The following ARHGAP4 variants were observed in gnomAD, a reference collection of about 807,000 sequenced individuals.
ARHGAP4 encodes the protein Rho GTPase activating protein 4.
ARHGAP4 carries 25 observed loss-of-function variants against 67.6 expected under a neutral mutation model. The ratio of observed to expected loss-of-function variants is 0.37; its 90% CI spans 0.27 to 0.52. The LOEUF is 0.52. Among genes scored for constraint, ARHGAP4 ranks in the 20% least tolerant of loss-of-function variants. The pLI is 0.92. For missense variants in ARHGAP4, 804 were observed against 854.6 expected, an observed-to-expected ratio of 0.94 and a Z score of 0.74; for synonymous variants, 448 against 373.7, an observed-to-expected ratio of 1.20 and a Z score of -2.29.
chrX:153,913,739 G>A (rs1451002056), intron 8 of ARHGAP4, 39 bp downstream of exon 8: 2 of 1,192,422 alleles, frequency 1.7e-6, no homozygotes, highest in African/African-American at 3.5e-5. Flanking sequence ...CAGGCTCCAG[G>A]CCCTCGTCTC....
At chrX:153,908,312 T>A (rs1244194811) in intron 21 of ARHGAP4, among the ~76,000 whole-genome samples, 1 of 112,091 alleles carries the variant, frequency 8.9e-6, no homozygotes, top group Admixed American at 9.4e-5. Context: ...CCATGGCGTC[T>A]CCTGGCTGCC....
At chrX:153,914,653 A>C (rs2065043219) in intron 7 of ARHGAP4, among the ~76,000 whole-genome samples, 1 of 112,200 alleles carries the variant, frequency 8.9e-6, no homozygotes, top group South Asian at 3.7e-4. Flanking sequence ...GCCAAGATGG[A>C]GCCATTGCAC....
intron 1 of ARHGAP4, chrX:153,922,341 G>A (rs1046186345): frequency 2.9e-5 from 22 of 758,626 alleles, no homozygotes; most frequent in Non-Finnish European, 3.1e-5. Flanking sequence ...AGGCCCCAGG[G>A]GAAAGGACAG....
chrX:153,913,965 C>G, intron 7 of ARHGAP4, 86 bp from the exon 8 acceptor site: 1 of 875,752 alleles, frequency 1.1e-6, no homozygotes, highest in Non-Finnish European at 1.6e-6. Flanking sequence ...AGCAAGCACC[C>G]TTTTGTGGCC....
Position 153,907,942 on chromosome X carries a change from G to A in ARHGAP4, c.2628C>T (p.Asp876=). 1.8e-6 allele frequency: 2 copies of A among 1,121,331 alleles called. No individual in the cohort carries two copies. The allele number at this position is 1,121,331 out of a possible 1,213,427, so 92.4% of individuals were successfully genotyped here. ...EVDKAVAQNM[D]SVFKELLGKT... ...TTCCCAAGAGCTCCTTAAACACAGA[G>A]TCCATGTTCTGTGCCACAGCCTAGC... The change falls in exon 22 of 22, where the codon GAC becomes GAT. Residue 876 remains aspartate, a synonymous_variant. Coordinates refer to ENST00000350060, the MANE Select transcript of ARHGAP4 (RefSeq NM_001666.5).
rs369990769 is a variant in ARHGAP4 at position 153,912,986 on chromosome X, G to A, written c.1439+38C>T. The A allele has an allele frequency of 2.1e-4, 231 of 1,126,541 alleles. 2 individuals carry two copies. In the East Asian group the frequency reaches 6.6e-3, roughly 32 times the overall value. The allele number at this position is 1,126,541 out of a possible 1,213,427, so 92.8% of individuals were successfully genotyped here. A position where few individuals can be genotyped will look rare whatever the true frequency, so the allele number is the denominator to read the frequency against. On this transcript the variant is annotated intron_variant, in intron 11 of 21. Transcript: ENST00000350060. ...GGGCCCCAGGAAGAGAAGAGATGGCGGACCGTCGCAGGGCCCCAGCCCTCA... is the reference window on the plus strand; with the variant it reads ...GGGCCCCAGGAAGAGAAGAGATGGCAGACCGTCGCAGGGCCCCAGCCCTCA...
intron 1 of ARHGAP4, among the ~76,000 whole-genome samples, chrX:153,925,579 C>T (rs1557105998): frequency 8.9e-6 from 1 of 112,793 alleles, no homozygotes; most frequent in South Asian, 3.6e-4. Context: ...GGCTGAGAAG[C>T]CAGCCCTGTT....
intron 5 of ARHGAP4, chrX:153,920,272 T>C: frequency 4.7e-6 from 1 of 210,697 alleles, no homozygotes; most frequent in Non-Finnish European, 8.6e-6. Context: ...CCCCACTCTC[T>C]GTACTGGGCT....
chrX:153,907,678 G>T lies in ARHGAP4; in HGVS notation c.*51C>A. ...GAGAAGCAAGGGGGCTGGGGAGAGT[G>T]GCCGGTCCAGCGGGTAGCCGCCGGG... On this transcript the variant is annotated 3_prime_UTR_variant, in exon 22 of 22. Transcript: ENST00000350060. The T allele has an allele frequency of 1.6e-6, 1 of 642,568 alleles. No individual in the cohort carries two copies. Among genetic ancestry groups the T allele is most frequent in the Non-Finnish European group, 2.2e-6 (1 of 459,217 alleles). 53.0% of individuals were successfully genotyped at this position (642,568 alleles called of 1,213,427 possible). A position where few individuals can be genotyped will look rare whatever the true frequency, so the allele number is the denominator to read the frequency against.
rs782503890 is a variant in ARHGAP4 at position 153,926,206 on chromosome X, G to C, written c.-4C>G. On this transcript the variant is annotated 5_prime_UTR_variant, in exon 1 of 22. Coordinates refer to ENST00000350060, the MANE Select transcript of ARHGAP4 (RefSeq NM_001666.5). ...GCAGCTTCCCGTGAGCGGCCATGGC[G>C]GCCTCGCGGCCGCGCCGTCGAACCC... 8.4e-7 allele frequency: 1 copy of C among 1,191,752 alleles called. No homozygotes were observed. Among genetic ancestry groups the C allele is most frequent in the Non-Finnish European group, 1.1e-6 (1 of 885,661 alleles).
In ARHGAP4 at chrX:153,907,628, C is replaced by T. The variant is rs896204511; in HGVS notation, c.*101G>A. 2.5e-6 allele frequency: 1 copy of T among 393,340 alleles called. No homozygotes were observed. Among genetic ancestry groups the T allele is most frequent in the East Asian group, 4.2e-5 (1 of 23,638 alleles). The allele number at this position is 393,340 out of a possible 1,213,427, so 32.4% of individuals were successfully genotyped here. On this transcript the variant is annotated 3_prime_UTR_variant, in exon 22 of 22. Coordinates refer to ENST00000350060, the MANE Select transcript of ARHGAP4 (RefSeq NM_001666.5). ...TCTGCACAGGGTGAAGTGCAGGCAC[C>T]CTGCACTTGCTGGACAGGGCTGGAG...
At position 153,913,200 on chromosome X, in the gene ARHGAP4, G is replaced by C. The variant is rs1219840358; in HGVS notation, c.1411+18C>G. 8.6e-7 allele frequency: 1 copy of C among 1,164,878 alleles called. No homozygotes were observed. The highest frequency in any genetic ancestry group is 1.1e-6 in the Non-Finnish European group (1 of 872,005). ...CTGGGCAGGGGAGAGGCGGGGAAGGGGGCAGCACTGGGCCCACCTCGCTGA... is the reference window on the plus strand; with the variant it reads ...CTGGGCAGGGGAGAGGCGGGGAAGGCGGCAGCACTGGGCCCACCTCGCTGA... On this transcript the variant is annotated intron_variant, in intron 10 of 21. Transcript: ENST00000350060.
rs149100821 is a variant in ARHGAP4, at chrX:153,913,475, G to A, written c.1260C>T (p.Asp420=). 9.2e-3 allele frequency: 11,185 copies of A among 1,210,639 alleles called. 51 individuals are homozygous for A. The highest frequency in any genetic ancestry group is 0.012 in the Non-Finnish European group (10,335 of 895,290). Residue 420 remains aspartate (D), a synonymous_variant, in exon 9 of 22, where the codon GAC becomes GAT. Transcript: ENST00000350060. ...TCCGGCCCGCCTGCCGGCTGCCTGG[G>A]TCTGAGCTGGTGGACTTGAGGGACT... is the stretch of plus-strand genomic sequence containing the variant. The part of the protein sequence containing the change: ...STESLKSTSS[D]PGSRQAGRRR...
At chrX:153,919,779 CTAT>C (rs1254508527) in intron 5 of ARHGAP4, 1 of 853,016 alleles carries the variant, frequency 1.2e-6, no homozygotes. Flanking sequence ...AACTGGCACT[CTAT>C]TTTTTTTTTA....
intron 5 of ARHGAP4, 41 bp downstream of exon 5, chrX:153,920,585 A>G: frequency 1.7e-6 from 2 of 1,156,164 alleles, no homozygotes; most frequent in East Asian, 6.0e-5. Context: ...GTTAGGGCCC[A>G]TGGCCCATAG....
chrX:153,908,980 G>T (rs1275490978), intron 21 of ARHGAP4, 90 bp downstream of exon 21: 6 of 984,727 alleles, frequency 6.1e-6, no homozygotes, highest in Non-Finnish European at 7.1e-6. Flanking sequence ...GCAACGACTG[G>T]AACCTCGAGG....
At chrX:153,909,190 C>A in intron 20 of ARHGAP4, 21 bp from the exon 21 acceptor site, 1 of 1,176,014 alleles carries the variant, frequency 8.5e-7, no homozygotes, top group Non-Finnish European at 1.1e-6. Flanking sequence ...GACAGGGAGC[C>A]TGGTGGGGGC....
chrX:153,916,663 CACCA>C (rs1358564444), intron 7 of ARHGAP4, among the ~76,000 whole-genome samples: 1 of 113,445 alleles, frequency 8.8e-6, no homozygotes, highest in East Asian at 2.8e-4. Flanking sequence ...GGCCAAGAAT[CACCA>C]AACAGACACG....
chrX:153,908,001 TC>T (rs1557101695), intron 21 of ARHGAP4, 39 bp from the exon 22 acceptor site: 2 of 1,114,451 alleles, frequency 1.8e-6, no homozygotes, highest in Admixed American at 2.8e-5. Flanking sequence ...ACCAGTGAGT[TC>T]CCCCGACTGA....
Sources: allele counts gnomAD v4.1 joint callset (sites outside exome capture counted in the v4.1 genomes callset), GRCh38; gene constraint gnomAD v4.1.1; transcripts MANE v1.5; gene names NCBI Gene and HGNC (gene_info 2026-07-23, HGNC 2026-07-21).